SLC7A11: variants seen among roughly 807,000 people sequenced by gnomAD.
SLC7A11 encodes the protein solute carrier family 7 member 11.
Under a neutral mutation model 54.5 loss-of-function variants are expected in SLC7A11, and 35 were observed. That is an observed-to-expected ratio of 0.64 (90% CI 0.49 to 0.85). The LOEUF is 0.85. Ranked by LOEUF, SLC7A11 falls within the 40% of genes least tolerant of loss-of-function variation. The pLI is 0.00. For missense variants in SLC7A11, 583 were observed against 618.1 expected (o/e 0.94, Z 0.60); for synonymous variants, 230 against 225.2 (o/e 1.02, Z -0.19).
At chr4:138,173,200 T>C (rs1262615541) in intron 11 of SLC7A11, among the ~76,000 whole-genome samples, 1 of 152,172 alleles carries the variant, frequency 6.6e-6, no homozygotes, top group Non-Finnish European at 1.5e-5. Context: ...GTCCTGCTAG[T>C]CCTGGAGCTG....
chr4:138,232,651 T>G (rs1738108322), intron 2 of SLC7A11, among the ~76,000 whole-genome samples: 1 of 152,206 alleles, frequency 6.6e-6, no homozygotes. Flanking sequence ...ATTTGACTTT[T>G]CCTTAAAAAT....
At chr4:138,231,076 TAAAGAA>T (rs1209873273) in intron 3 of SLC7A11, among the ~76,000 whole-genome samples, 1 of 152,082 alleles carries the variant, frequency 6.6e-6, no homozygotes, top group East Asian at 1.9e-4. Flanking sequence ...TAAGTGGAAT[TAAAGAA>T]AAAGAAAGTC....
chr4:138,204,748 A>G (rs28655080), intron 6 of SLC7A11, among the ~76,000 whole-genome samples: 2,358 of 152,014 alleles, frequency 0.016, 56 homozygotes, highest in African/African-American at 0.053. Flanking sequence ...AAAATCTGCC[A>G]GGAAGTCATT....
intron 6 of SLC7A11, among the ~76,000 whole-genome samples, chr4:138,208,453 T>C (rs1179017689): frequency 6.6e-6 from 1 of 152,072 alleles, no homozygotes; most frequent in Non-Finnish European, 1.5e-5. Flanking sequence ...AAGAGCAGGA[T>C]TACAAACATT....
At position 138,164,107 on chromosome 4, in the gene SLC7A11, T is replaced by C. The variant is rs1412534999; in HGVS notation, c.*7849A>G. 1 of 152,578 alleles carries C rather than the reference T, an allele frequency of 6.6e-6. No individual in the cohort carries two copies. The highest frequency in any genetic ancestry group is 2.4e-5 in the African/African-American group (1 of 41,446). 9.5% of individuals were successfully genotyped at this position (152,578 alleles called of 1,614,324 possible). On this transcript the variant is annotated 3_prime_UTR_variant, in exon 12 of 12. Coordinates refer to ENST00000280612, the MANE Select transcript of SLC7A11 (RefSeq NM_014331.4). Reference sequence around the variant, plus strand: ...ACATGACGACATTTATTATGTAAACTATCAAATGTTTATTTAAATTTCCAT... The same window carrying C: ...ACATGACGACATTTATTATGTAAACCATCAAATGTTTATTTAAATTTCCAT...
At chr4:138,182,990 C>T (rs1359418509) in intron 8 of SLC7A11, among the ~76,000 whole-genome samples, 5 of 151,972 alleles carry the variant, frequency 3.3e-5, no homozygotes, top group South Asian at 4.2e-4. Flanking sequence ...GCCACATGTC[C>T]GTCTTCCAAA....
In SLC7A11 at chr4:138,229,190, T is replaced by C. The variant is rs1578669799; in HGVS notation, c.520+3077A>G. Among the ~76,000 whole-genome samples, 4 of 152,366 alleles carry C rather than the reference T, an allele frequency of 2.6e-5. No individual in the cohort carries two copies. The South Asian group carries it at 8.3e-4, about 32-fold the overall frequency. On this transcript the variant is annotated intron_variant, in intron 3 of 11. Transcript: ENST00000280612. ...ATTCATGCAATTCAACTCTGTTTTC[T>C]ACATCTTGGTTAACCTTCCACCCCT...
chr4:138,234,858 A>G (rs1738168082), intron 2 of SLC7A11, among the ~76,000 whole-genome samples: 1 of 152,200 alleles, frequency 6.6e-6, no homozygotes, highest in Non-Finnish European at 1.5e-5. Context: ...CGCCAGCCTG[A>G]CAGGCCAGCA....
At position 138,179,353 on chromosome 4, in the gene SLC7A11, G is replaced by A. The variant is rs1284506309; in HGVS notation, c.1308C>T (p.Leu436=). The A allele has an allele frequency of 1.2e-6, 2 of 1,612,518 alleles. No homozygotes were observed. The highest frequency in any genetic ancestry group is 1.7e-6 in the Non-Finnish European group (2 of 1,179,200). Residue 436 remains leucine (L), a synonymous_variant, in exon 11 of 12, where the codon CTC becomes CTT. Transcript: ENST00000280612. The part of the protein sequence containing the change: ...FIPALFSFTC[L]FMVALSLYSD... ...AATAGAGGGAAAGGGCAACCATGAA[G>A]AGGCATGTGAAGGAAAACAAAGCTG...
Position 138,232,270 on chromosome 4 carries a change from T to C in SLC7A11, c.517A>G (p.Ile173Val), listed in dbSNP as rs752628587. The change falls in exon 3 of 12, where the codon ATA becomes GTA. Residue 173 changes from isoleucine to valine, a missense_variant. By Grantham distance (29) the Ile-to-Val change is conservative (BLOSUM62 3). Coordinates refer to ENST00000280612, the MANE Select transcript of SLC7A11 (RefSeq NM_014331.4). ...CATATATAGCTATAATACTCACTTA[T>C]GCCCACAGCTGTAATGAGCTTGATC... The part of the protein sequence containing the change: ...LAIKLITAVG[I>V]TVVMVLNSMS... The C allele has an allele frequency of 5.1e-6, 8 of 1,581,428 alleles. No homozygotes were observed. The Admixed American group carries it at 6.7e-5, about 13-fold the overall frequency.
chr4:138,223,340 G>C lies in SLC7A11; in HGVS notation c.521-16C>G, dbSNP rs779419749. ...ATCACTACAGCTGCAAACAAATAGA[G>C]GAAGTTACAAAAGGTGAATTCTCAC... On this transcript the variant is annotated splice_polypyrimidine_tract_variant and intron_variant, in intron 3 of 11. Transcript: ENST00000280612. The C allele has an allele frequency of 6.2e-7, 1 of 1,611,446 alleles. No individual in the cohort carries two copies. Among genetic ancestry groups the C allele is most frequent in the South Asian group, 1.1e-5 (1 of 90,824 alleles).
Position 138,241,127 on chromosome 4 carries a change from T to C in SLC7A11, c.277+666A>G, listed in dbSNP as rs111344845. ...CCCAACTGAAGTTTTAAAACTTATA[T>C]TGCAAAAGTGTATGGGTATTGAGAA... On this transcript the variant is annotated intron_variant, in intron 1 of 11. Coordinates refer to ENST00000280612, the MANE Select transcript of SLC7A11 (RefSeq NM_014331.4). Among the ~76,000 whole-genome samples, 355 of 152,306 alleles carry C rather than the reference T, an allele frequency of 2.3e-3. 1 individual carries two copies. The highest frequency in any genetic ancestry group is 4.6e-3 in the Non-Finnish European group (310 of 68,026).
At chr4:138,215,209 C>G (rs1737652230) in intron 5 of SLC7A11, among the ~76,000 whole-genome samples, 1 of 151,974 alleles carries the variant, frequency 6.6e-6, no homozygotes, top group African/African-American at 2.4e-5. Context: ...TCTACCTTTT[C>G]CTTTTCTATG....
In SLC7A11 at chr4:138,242,261, A is replaced by G; in HGVS notation, c.-192T>C. On this transcript the variant is annotated 5_prime_UTR_variant, in exon 1 of 12. Transcript: ENST00000280612. ...AGCGATCTAATTACTACTCAGAAAC[A>G]CCTGTGTATGCATCGTGCTCTCAAT... is the stretch of plus-strand genomic sequence containing the variant. 1 of 625,082 alleles carries G rather than the reference A, an allele frequency of 1.6e-6. No homozygotes were observed. The highest frequency in any genetic ancestry group is 2.8e-6 in the Non-Finnish European group (1 of 360,610). 38.7% of individuals were successfully genotyped at this position (625,082 alleles called of 1,614,324 possible). A position where few individuals can be genotyped will look rare whatever the true frequency, so the allele number is the denominator to read the frequency against.
At chr4:138,239,195 C>T (rs1405209903) in intron 1 of SLC7A11, among the ~76,000 whole-genome samples, 2 of 152,008 alleles carry the variant, frequency 1.3e-5, no homozygotes, top group Non-Finnish European at 2.9e-5. Flanking sequence ...TCTTAAGTAC[C>T]TCAGAATTTA....
chr4:138,184,230 T>A (rs1412194783), intron 7 of SLC7A11, among the ~76,000 whole-genome samples: 2 of 152,164 alleles, frequency 1.3e-5, no homozygotes, highest in Non-Finnish European at 2.9e-5. Flanking sequence ...GTGGTCGAAG[T>A]CTTTTTCAAT....
Position 138,170,032 on chromosome 4 carries a change from T to C in SLC7A11, c.*1924A>G, listed in dbSNP as rs1736369927. ...TTTGGACAATTTTTTATGAATTCTA[T>C]GTTTGCCTTTAATAATTTTAATTGG... is the stretch of plus-strand genomic sequence containing the variant. On this transcript the variant is annotated 3_prime_UTR_variant, in exon 12 of 12. Coordinates refer to ENST00000280612, the MANE Select transcript of SLC7A11 (RefSeq NM_014331.4). 1 of 151,520 alleles carries C rather than the reference T, an allele frequency of 6.6e-6. No homozygotes were observed. 9.4% of individuals were successfully genotyped at this position (151,520 alleles called of 1,614,324 possible). A position where few individuals can be genotyped will look rare whatever the true frequency, so the allele number is the denominator to read the frequency against.
intron 7 of SLC7A11, among the ~76,000 whole-genome samples, 159 bp from the exon 8 acceptor site, chr4:138,183,464 A>G (rs1198001094): frequency 6.6e-6 from 1 of 152,170 alleles, no homozygotes; most frequent in Non-Finnish European, 1.5e-5. Flanking sequence ...AACTCCGTAG[A>G]CAATAATCAA....
Position 138,236,323 on chromosome 4 carries a change from AC to A in SLC7A11, c.404+1del, listed in dbSNP as rs766267247. 6.2e-7 allele frequency: 1 copy of A among 1,604,126 alleles called. No individual in the cohort carries two copies. Among genetic ancestry groups the A allele is most frequent in the Admixed American group, 1.7e-5 (1 of 57,236 alleles). On this transcript the variant is annotated splice_donor_variant, in intron 2 of 11. Coordinates refer to ENST00000280612, the MANE Select transcript of SLC7A11 (RefSeq NM_014331.4). LOFTEE classifies it high-confidence loss of function. ...TCTTAATTCTTTCTACTATGCTCTT[AC>A]CGTATTATGAGGAGTTCCACCCAGA...
Sources: gnomAD v4.1 joint callset for allele counts (sites outside exome capture counted in the v4.1 genomes callset) on GRCh38, gnomAD v4.1.1 for gene constraint, MANE v1.5 for transcripts, NCBI Gene and HGNC (gene_info 2026-07-23, HGNC 2026-07-21) for gene names.